Variants in PIP5K1B observed in about 807,000 individuals in gnomAD.
The protein encoded by PIP5K1B is phosphatidylinositol 4-phosphate 5-kinase type-1 beta.
PIP5K1B carries 42 observed loss-of-function variants against 67.0 expected under a neutral mutation model. That is an observed-to-expected ratio of 0.63 (90% CI 0.49 to 0.81). The LOEUF is 0.81. Among genes scored for constraint, PIP5K1B ranks in the 30% least tolerant of loss-of-function variants. The pLI is 0.00. For synonymous variants in PIP5K1B, 214 were observed against 231.4 expected, an observed-to-expected ratio of 0.92 and a Z score of 0.68; for missense variants, 459 against 646.3, an observed-to-expected ratio of 0.71 and a Z score of 3.14.
chr9:68,932,837 A>G (rs1827066737), intron 12 of PIP5K1B, among the ~76,000 whole-genome samples: 1 of 152,182 alleles, frequency 6.6e-6, no homozygotes, highest in South Asian at 2.1e-4. Flanking sequence ...ACAGTGGCTC[A>G]TGCCTGTAAT....
rs1024297494 is a variant in PIP5K1B, at chr9:68,781,332, CTATT to C, written c.-85-37121_-85-37118del. The C allele has an allele frequency of 4.7e-5, 12 of 255,222 alleles. No individual in the cohort carries two copies. The East Asian group carries it at 6.9e-4, about 15-fold the overall frequency. The allele number at this position is 255,222 out of a possible 1,614,324, so 15.8% of individuals were successfully genotyped here. ...TGATTTTTTTAAATAACTGAGAGCT[CTATT>C]TATTTATGGGATTATTAAGTTCTGA... On this transcript the variant is annotated intron_variant, in intron 2 of 15. Coordinates refer to ENST00000265382, the MANE Select transcript of PIP5K1B (RefSeq NM_003558.4).
In PIP5K1B at chr9:69,008,757, C is replaced by T; in HGVS notation, c.*308C>T. On this transcript the variant is annotated 3_prime_UTR_variant, in exon 16 of 16. Transcript: ENST00000265382. ...TTTTGGAGTTGGAAGTGCTATTTTC[C>T]TATGGACTTTTGCATTATTTCATTG... The T allele has an allele frequency of 3.0e-6, 1 of 330,898 alleles. No homozygotes were observed. Among genetic ancestry groups the T allele is most frequent in the Admixed American group, 4.1e-5 (1 of 24,396 alleles). The allele number at this position is 330,898 out of a possible 1,614,324, so 20.5% of individuals were successfully genotyped here.
intron 2 of PIP5K1B, among the ~76,000 whole-genome samples, chr9:68,763,749 A>T (rs1040349380): frequency 2.0e-5 from 3 of 152,154 alleles, no homozygotes; most frequent in African/African-American, 4.8e-5. Context: ...ATCAATTTAC[A>T]CTCAAAATAG....
At chr9:68,936,190 TTA>T (rs1371881305) in intron 13 of PIP5K1B, among the ~76,000 whole-genome samples, 1 of 151,654 alleles carries the variant, frequency 6.6e-6, no homozygotes, top group Non-Finnish European at 1.5e-5. Flanking sequence ...TTTTTCTTTC[TTA>T]ACTTGCTGGT....
chr9:68,739,621 A>T (rs1828905621), intron 1 of PIP5K1B, among the ~76,000 whole-genome samples: 1 of 152,170 alleles, frequency 6.6e-6, no homozygotes, highest in Non-Finnish European at 1.5e-5. Flanking sequence ...GCAGGCTGTG[A>T]TATCTCAGAT....
intron 1 of PIP5K1B, among the ~76,000 whole-genome samples, chr9:68,739,001 G>A (rs1828874112): frequency 6.6e-6 from 1 of 151,882 alleles, no homozygotes; most frequent in African/African-American, 2.4e-5. Flanking sequence ...TTTACCATGG[G>A]GTCCAGCCTT....
At chr9:68,828,078 G>T (rs940015402) in intron 4 of PIP5K1B, among the ~76,000 whole-genome samples, 1 of 152,212 alleles carries the variant, frequency 6.6e-6, no homozygotes, top group Non-Finnish European at 1.5e-5. Flanking sequence ...TCATTTGTCC[G>T]TTGGACTGGG....
At chr9:68,891,872 GACA>G (rs1024032680) in intron 7 of PIP5K1B, among the ~76,000 whole-genome samples, 4 of 152,120 alleles carry the variant, frequency 2.6e-5, no homozygotes, top group African/African-American at 9.7e-5. Context: ...TGTTCATGAT[GACA>G]ACAACTTATA....
intron 4 of PIP5K1B, among the ~76,000 whole-genome samples, chr9:68,830,698 C>A (rs879738937): frequency 2.6e-5 from 4 of 152,204 alleles, no homozygotes; most frequent in Admixed American, 1.3e-4. Flanking sequence ...GGCAAAAAAA[C>A]CCCACAGTGT....
chr9:68,958,286 A>T (rs1053566551), intron 14 of PIP5K1B, among the ~76,000 whole-genome samples: 17 of 152,188 alleles, frequency 1.1e-4, no homozygotes, highest in African/African-American at 4.1e-4. Context: ...TTCTGTTAGC[A>T]AAGACAGGAC....
chr9:68,947,840 A>G (rs1228511112), intron 14 of PIP5K1B, among the ~76,000 whole-genome samples: 2 of 152,212 alleles, frequency 1.3e-5, no homozygotes, highest in Non-Finnish European at 2.9e-5. Flanking sequence ...ATACTCATAG[A>G]AATGTCTTAG....
At chr9:68,969,910 C>A (rs1391766243) in intron 14 of PIP5K1B, among the ~76,000 whole-genome samples, 3 of 152,144 alleles carry the variant, frequency 2.0e-5, no homozygotes, top group African/African-American at 7.2e-5. Flanking sequence ...AATGGCTGTT[C>A]AAGTGAGTAA....
At chr9:68,709,824 C>A (rs1223919114) in intron 1 of PIP5K1B, among the ~76,000 whole-genome samples, 3 of 152,190 alleles carry the variant, frequency 2.0e-5, no homozygotes, top group African/African-American at 7.2e-5. Context: ...GTGAGAGGAT[C>A]ACTGGAGCCT....
intron 2 of PIP5K1B, among the ~76,000 whole-genome samples, chr9:68,806,590 G>A (rs1046212418): frequency 2.0e-5 from 3 of 152,156 alleles, no homozygotes; most frequent in East Asian, 1.9e-4. Flanking sequence ...CATCTAGCCC[G>A]CCGCTAATCA....
intron 1 of PIP5K1B, among the ~76,000 whole-genome samples, chr9:68,730,363 A>G (rs12002149): frequency 4.3e-4 from 66 of 152,340 alleles, no homozygotes; most frequent in African/African-American, 1.3e-3. Context: ...TGGGATGCCA[A>G]TGAGGGTCTA....
intron 2 of PIP5K1B, among the ~76,000 whole-genome samples, chr9:68,790,757 CT>C: frequency 6.6e-6 from 1 of 152,240 alleles, no homozygotes; most frequent in Middle Eastern, 3.4e-3. Context: ...TGATACTGAA[CT>C]ATGCATATAC....
chr9:68,991,243 C>T lies in PIP5K1B; in HGVS notation c.1606C>T (p.Leu536Phe), dbSNP rs1385672588. 5.7e-6 allele frequency: 9 copies of T among 1,590,924 alleles called. No individual in the cohort carries two copies. Among genetic ancestry groups the T allele is most frequent in the Non-Finnish European group, 7.8e-6 (9 of 1,158,890 alleles). Residue 536 changes from leucine (L) to phenylalanine (F), a missense_variant, in exon 15 of 16, where the codon CTT becomes TTT. Coordinates refer to ENST00000265382, the MANE Select transcript of PIP5K1B (RefSeq NM_003558.4). Reference sequence around the variant, plus strand: ...AGTGCAGGATGACAATGCTTCTGTGCTTGACGTCTATTTAGTAAGTAATTT... The same window carrying T: ...AGTGCAGGATGACAATGCTTCTGTGTTTGACGTCTATTTAGTAAGTAATTT... The part of the protein sequence containing the change: ...LEVQDDNASV[L>F]DVYL
chr9:68,888,232 C>T (rs1183722792), intron 6 of PIP5K1B, among the ~76,000 whole-genome samples: 2 of 152,192 alleles, frequency 1.3e-5, no homozygotes, highest in African/African-American at 4.8e-5. Flanking sequence ...CCCGCCTCAG[C>T]CTCCCAAAGT....
intron 8 of PIP5K1B, among the ~76,000 whole-genome samples, chr9:68,917,096 G>T (rs1826140965): frequency 6.6e-6 from 1 of 152,182 alleles, no homozygotes; most frequent in Non-Finnish European, 1.5e-5. Flanking sequence ...CACCGGAGTT[G>T]ACTGCTTGGG....
Sources: allele counts gnomAD v4.1 joint callset (sites outside exome capture counted in the v4.1 genomes callset), GRCh38; gene constraint gnomAD v4.1.1; transcripts MANE v1.5; gene names NCBI Gene and HGNC (gene_info 2026-07-23, HGNC 2026-07-21).